CDH1: variants seen among roughly 807,000 people sequenced by gnomAD.
CDH1 encodes the protein cadherin 1.
A neutral mutation model predicts 84.5 loss-of-function variants in CDH1; 35 were observed. That is an observed-to-expected ratio of 0.41 (90% CI 0.32 to 0.55). CDH1 has a LOEUF of 0.55. CDH1 is among the 20% of genes least tolerant of loss of function. CDH1 has a pLI of 0.19. For synonymous variants in CDH1, 417 were observed against 439.0 expected (o/e 0.95, Z 0.63); for missense variants, 994 against 1,126.6 (o/e 0.88, Z 1.68).
intron 2 of CDH1, among the ~76,000 whole-genome samples, chr16:68,749,297 T>C (rs1055869355): frequency 1.2e-4 from 18 of 152,288 alleles, no homozygotes; most frequent in Admixed American, 7.2e-4. Context: ...GTGAGGAATA[T>C]GTTGAGTTTG....
rs2152133278 is a variant in CDH1 at position 68,813,305 on chromosome 16, C to T, written c.1138-8C>T. ...ACTTTGTAAATGACACATCTCTTTG[C>T]TCTGCAGTACAAGGGTCAGGTGCCT... is the stretch of plus-strand genomic sequence containing the variant. On this transcript the variant is annotated splice_region_variant and splice_polypyrimidine_tract_variant and intron_variant, in intron 8 of 15. Transcript: ENST00000261769. The T allele has an allele frequency of 6.2e-7, 1 of 1,613,998 alleles. No homozygotes were observed. The highest frequency in any genetic ancestry group is 8.5e-7 in the Non-Finnish European group (1 of 1,179,874).
In CDH1 at chr16:68,801,887, C is replaced by T. The variant is rs62055766; in HGVS notation, c.381C>T (p.Pro127=). ...TGGGGCACCACCACCGCCCCCCGCC[C>T]CATCAGGTATGTTGGCATTTTTCTG... is the stretch of plus-strand genomic sequence containing the variant. The part of the protein sequence containing the change: ...NTVGHHHRPP[P]HQASVSGIQA... Residue 127 remains proline, a synonymous_variant, in exon 3 of 16, where the codon CCC becomes CCT. Coordinates refer to ENST00000261769, the MANE Select transcript of CDH1 (RefSeq NM_004360.5). 1 of 1,613,368 alleles carries T rather than the reference C, an allele frequency of 6.2e-7. No individual in the cohort carries two copies. The highest frequency in any genetic ancestry group is 8.5e-7 in the Non-Finnish European group (1 of 1,179,348).
rs1360548310 is a variant in CDH1 at position 68,835,449 on chromosome 16, T to G, written c.*1950T>G. 4.7e-6 allele frequency: 1 copy of G among 214,164 alleles called. No individual in the cohort carries two copies. Among genetic ancestry groups the G allele is most frequent in the Non-Finnish European group, 9.5e-6 (1 of 105,820 alleles). The allele number at this position is 214,164 out of a possible 1,614,324, so 13.3% of individuals were successfully genotyped here. On this transcript the variant is annotated 3_prime_UTR_variant, in exon 16 of 16. Coordinates refer to ENST00000261769, the MANE Select transcript of CDH1 (RefSeq NM_004360.5). The stretch of plus-strand genomic sequence containing the variant: ...TGGGTGCTGATAATTGTGTATTTTC[T>G]TTGGGGGTGGAAAAGGAAAACAATT...
rs539331420 is a variant in CDH1 at position 68,763,116 on chromosome 16, A to G, written c.163+24705A>G. ...AGCGTTCAATTCCCCTGCTTTTTAC[A>G]TTGAGGAGAAATTATGGTGACAGCT... is the stretch of plus-strand genomic sequence containing the variant. On this transcript the variant is annotated intron_variant, in intron 2 of 15. Transcript: ENST00000261769. Among the ~76,000 whole-genome samples the G allele has an allele frequency of 2.6e-5, 4 of 152,196 alleles. No individual in the cohort carries two copies. In the South Asian group the frequency reaches 8.3e-4, roughly 32 times the overall value.
intron 2 of CDH1, among the ~76,000 whole-genome samples, chr16:68,783,599 C>T (rs1959949879): frequency 1.3e-5 from 2 of 152,144 alleles, no homozygotes; most frequent in South Asian, 2.1e-4. Flanking sequence ...GCTGTGTGCT[C>T]TTTAAAGACA....
chr16:68,813,510 T>G lies in CDH1; in HGVS notation c.1320+15T>G. 6.2e-7 allele frequency: 1 copy of G among 1,613,202 alleles called. No individual in the cohort carries two copies. The highest frequency in any genetic ancestry group is 1.1e-5 in the South Asian group (1 of 91,046). ...AAACAGCAAAGGTTTGTATGGTACC[T>G]GGCAAGATGCAGAAACTGGCATCCT... is the stretch of plus-strand genomic sequence containing the variant. On this transcript the variant is annotated intron_variant, in intron 9 of 15. Coordinates refer to ENST00000261769, the MANE Select transcript of CDH1 (RefSeq NM_004360.5).
intron 2 of CDH1, among the ~76,000 whole-genome samples, chr16:68,783,404 A>G (rs1407728992): frequency 2.2e-5 from 3 of 135,696 alleles, no homozygotes; most frequent in South Asian, 2.3e-4. Flanking sequence ...AAAAAAAAAA[A>G]GAAAAAAGAA....
intron 2 of CDH1, among the ~76,000 whole-genome samples, chr16:68,741,195 C>A (rs1211944568): frequency 6.6e-6 from 1 of 152,082 alleles, no homozygotes; most frequent in Non-Finnish European, 1.5e-5. Flanking sequence ...CCCCCACCCC[C>A]ACACAACAGA....
intron 2 of CDH1, among the ~76,000 whole-genome samples, chr16:68,798,494 A>G (rs1241398985): frequency 2.6e-5 from 4 of 152,266 alleles, no homozygotes; most frequent in Non-Finnish European, 5.9e-5. Context: ...AGCACCTGGA[A>G]TTCAGGTTGG....
chr16:68,778,129 C>T (rs547421795), intron 2 of CDH1, among the ~76,000 whole-genome samples: 64 of 152,292 alleles, frequency 4.2e-4, no homozygotes, highest in African/African-American at 1.5e-3. Flanking sequence ...TCCCCTGCAA[C>T]CTCCACCTCC....
At chr16:68,755,747 CAG>C (rs1226611417) in intron 2 of CDH1, among the ~76,000 whole-genome samples, 1 of 149,992 alleles carries the variant, frequency 6.7e-6, no homozygotes, top group Non-Finnish European at 1.5e-5. Flanking sequence ...ATTGCTCCAG[CAG>C]AGTTTTCTAA....
intron 9 of CDH1, among the ~76,000 whole-genome samples, chr16:68,813,908 G>T (rs1390352617): frequency 6.6e-6 from 1 of 151,182 alleles, no homozygotes; most frequent in Non-Finnish European, 1.5e-5. Flanking sequence ...CTCCAGCTCT[G>T]GGTGACAGAG....
chr16:68,777,674 G>C (rs1959771594), intron 2 of CDH1, among the ~76,000 whole-genome samples: 1 of 151,260 alleles, frequency 6.6e-6, no homozygotes, highest in Non-Finnish European at 1.5e-5. Context: ...CTCCTGAGTG[G>C]CTTGACTATA....
In CDH1 at chr16:68,801,689, C is replaced by T. The variant is rs575896144; in HGVS notation, c.183C>T (p.Thr61=). 26 of 1,613,892 alleles carry T rather than the reference C, an allele frequency of 1.6e-5. No individual in the cohort carries two copies. In the South Asian group the frequency reaches 2.5e-4, roughly 16 times the overall value. Residue 61 remains threonine (T), a synonymous_variant, in exon 3 of 16, where the codon ACC becomes ACT. Coordinates refer to ENST00000261769, the MANE Select transcript of CDH1 (RefSeq NM_004360.5). ...VLGRVNFEDC[T]GRQRTAYFSL... is the part of the protein sequence containing the mutation. ...CTGCAGTGAATTTTGAAGATTGCAC[C>T]GGTCGACAAAGGACAGCCTATTTTT...
Position 68,750,102 on chromosome 16 carries a change from A to C in CDH1, c.163+11691A>C, listed in dbSNP as rs140316027. Among the ~76,000 whole-genome samples, 799 of 140,188 alleles carry C rather than the reference A, an allele frequency of 5.7e-3. 2 individuals carry two copies. Among genetic ancestry groups the C allele is most frequent in the Middle Eastern group, 0.014 (3 of 220 alleles). 92.0% of individuals were successfully genotyped at this position (140,188 alleles called of 152,430 possible). On this transcript the variant is annotated intron_variant, in intron 2 of 15. Transcript: ENST00000261769. ...GCTGGGATTACAGGTGTGAGCCACC[A>C]GGCCTGGCCTGCCTCTCACTAATTT...
intron 2 of CDH1, among the ~76,000 whole-genome samples, chr16:68,738,675 A>T (rs1243737910): frequency 6.6e-6 from 1 of 152,152 alleles, no homozygotes; most frequent in East Asian, 1.9e-4. Flanking sequence ...TATTTCTCTT[A>T]TTGCCCTCAG....
chr16:68,752,325 C>G (rs1224913421), intron 2 of CDH1, among the ~76,000 whole-genome samples: 2 of 152,206 alleles, frequency 1.3e-5, no homozygotes, highest in Non-Finnish European at 2.9e-5. Context: ...TCTTCTAGTA[C>G]TTTTCACTGT....
intron 2 of CDH1, among the ~76,000 whole-genome samples, chr16:68,797,675 A>G (rs987923861): frequency 1.3e-5 from 2 of 152,234 alleles, no homozygotes; most frequent in Non-Finnish European, 2.9e-5. Flanking sequence ...GACCTGTCTC[A>G]AAAAGCACAC....
intron 2 of CDH1, among the ~76,000 whole-genome samples, chr16:68,786,541 T>TTTTTTTC (rs1960055601): frequency 7.2e-6 from 1 of 138,520 alleles, no homozygotes; most frequent in African/African-American, 2.7e-5. Flanking sequence ...TTTCTTTTTT[T>TTTTTTTC]TTTTTTTTTT....
Sources: allele counts gnomAD v4.1 joint callset (sites outside exome capture counted in the v4.1 genomes callset), GRCh38; gene constraint gnomAD v4.1.1; transcripts MANE v1.5; gene names NCBI Gene and HGNC (gene_info 2026-07-23, HGNC 2026-07-21).